Variants in KDM5D observed in about 807,000 individuals in gnomAD.
The protein encoded by KDM5D is lysine-specific demethylase 5D.
A neutral mutation model predicts 31.9 loss-of-function variants in KDM5D; 25 were observed. The ratio of observed to expected loss-of-function variants is 0.78; its 90% confidence interval spans 0.57 to 1.09. The LOEUF (loss-of-function observed/expected upper bound fraction) is 1.09. Ranked by LOEUF, KDM5D falls within the 50% of genes least tolerant of loss-of-function variation. The pLI, the probability that KDM5D is intolerant of heterozygous loss-of-function variation, is 0.00. For missense variants in KDM5D, 366 were observed against 341.6 expected, an observed-to-expected ratio of 1.07 and a Z score of -0.56; for synonymous variants, 146 against 122.3, an observed-to-expected ratio of 1.19 and a Z score of -1.28.
At chrY:19,719,169 CA>C (rs2045375426) in intron 13 of KDM5D, among the ~76,000 whole-genome samples, 68 of 19,159 alleles carry the variant, frequency 3.5e-3, no homozygotes, top group African/African-American at 0.012. Context: ...GACTCCGTCT[CA>C]AAAAAAAAAA....
chrY:19,738,997 T>C, intron 6 of KDM5D, among the ~76,000 whole-genome samples: 1 of 33,197 alleles, frequency 3.0e-5, no homozygotes, highest in Non-Finnish European at 7.4e-5. Flanking sequence ...TAGCACTGTG[T>C]AGCATATAGT....
rs1410280584 is a variant in KDM5D, at chrY:19,716,465, A to C, written c.1845T>G (p.Ala615=). 2.5e-6 allele frequency: 1 copy of C among 399,095 alleles called. No homozygotes were observed. The highest frequency in any genetic ancestry group is 9.2e-5 in the East Asian group (1 of 10,870). ...VNFCTADWLP[A]GRQCIEHYRR... Reference sequence around the variant, plus strand: ...GGTAGTGTTCAATGCACTGGCGTCCAGCAGGTAGCTGCAAGTGCGTTCAAG... The same window carrying C: ...GGTAGTGTTCAATGCACTGGCGTCCCGCAGGTAGCTGCAAGTGCGTTCAAG... The change falls in exon 15 of 27, where the codon GCT becomes GCG. Residue 615 remains alanine (A), a synonymous_variant. Transcript: ENST00000317961.
rs1388557199 is a variant in KDM5D, at chrY:19,732,565, T to C, written c.1092+19A>G. On this transcript the variant is annotated intron_variant, in intron 9 of 26. Coordinates refer to ENST00000317961, the MANE Select transcript of KDM5D (RefSeq NM_004653.5). ...AATCACCAACCAAAAATAAAGCATC[T>C]GTGACAGACAGATCTTACCGCCAAG... is the stretch of plus-strand genomic sequence containing the variant. 1 of 378,769 alleles carries C rather than the reference T, an allele frequency of 2.6e-6. No homozygotes were observed. Among genetic ancestry groups the C allele is most frequent in the Non-Finnish European group, 3.7e-6 (1 of 272,756 alleles). 94.5% of individuals were successfully genotyped at this position (378,769 alleles called of 400,897 possible). A position where few individuals can be genotyped will look rare whatever the true frequency, so the allele number is the denominator to read the frequency against.
Position 19,707,932 on chromosome Y carries a change from A to C in KDM5D, c.3399+2T>G. ...TTTCCCCATCTGGGCCATGCTCCTT[A>C]CCACAGAGCCTGGGTCTCTGAGGTC... On this transcript the variant is annotated splice_donor_variant, in intron 23 of 26. Coordinates refer to ENST00000317961, the MANE Select transcript of KDM5D (RefSeq NM_004653.5). LOFTEE classifies it high-confidence loss of function. 5 of 397,714 alleles carry C rather than the reference A, an allele frequency of 1.3e-5. No individual in the cohort carries two copies. Among genetic ancestry groups the C allele is most frequent in the Non-Finnish European group, 1.8e-5 (5 of 283,055 alleles).
intron 2 of KDM5D, 47 bp from the exon 3 acceptor site, chrY:19,743,286 G>A: frequency 4.2e-6 from 1 of 240,292 alleles, no homozygotes; most frequent in Non-Finnish European, 6.7e-6. Flanking sequence ...AGTAAAGGAT[G>A]AAGATAGTGA....
intron 19 of KDM5D, 119 bp downstream of exon 19, chrY:19,710,257 G>T: frequency 2.7e-6 from 1 of 370,683 alleles, no homozygotes; most frequent in Non-Finnish European, 3.7e-6. Context: ...TTCCAGGAAA[G>T]AACCTGTTAT....
chrY:19,716,175 C>T, intron 15 of KDM5D, 104 bp downstream of exon 15: 2 of 257,239 alleles, frequency 7.8e-6, no homozygotes, highest in East Asian at 1.9e-4. Context: ...TTTCAAAATG[C>T]ATGACTTAAA....
At position 19,732,719 on chromosome Y, in the gene KDM5D, T is replaced by C; in HGVS notation, c.957A>G (p.Val319=). 2.6e-6 allele frequency: 1 copy of C among 381,754 alleles called. No individual in the cohort carries two copies. The highest frequency in any genetic ancestry group is 3.6e-6 in the Non-Finnish European group (1 of 275,828). Residue 319 remains valine (V), a synonymous_variant, in exon 9 of 27, where the codon GTA becomes GTG. Transcript: ENST00000317961. ...TATCATCTTCATCCCCACGGGAGCA[T>C]ACTTGGCAAATATATGAGTCAATCT... The part of the protein sequence containing the change: ...AQFIDSYICQ[V]CSRGDEDDKL...
At chrY:19,729,999 G>C in intron 11 of KDM5D, among the ~76,000 whole-genome samples, 3 of 33,066 alleles carry the variant, frequency 9.1e-5, no homozygotes, top group African/African-American at 3.6e-4. Context: ...GTAAAACAAT[G>C]CTCATACACT....
At chrY:19,733,106 T>C in intron 8 of KDM5D, among the ~76,000 whole-genome samples, 1 of 33,609 alleles carries the variant, frequency 3.0e-5, no homozygotes, top group Non-Finnish European at 7.4e-5. Context: ...TGTTCCTCTG[T>C]TGAAAAGTTT....
At chrY:19,726,567 T>C in intron 11 of KDM5D, among the ~76,000 whole-genome samples, 1 of 32,044 alleles carries the variant, frequency 3.1e-5, no homozygotes, top group Admixed American at 2.9e-4. Context: ...GCTGGGGGAC[T>C]AGGGGAGGGA....
chrY:19,707,853 A>G, intron 23 of KDM5D, 81 bp downstream of exon 23: 17 of 383,385 alleles, frequency 4.4e-5, no homozygotes, highest in Non-Finnish European at 6.3e-5. Context: ...CAGGGCTCAG[A>G]CACCCTATCA....
intron 3 of KDM5D, 44 bp downstream of exon 3, chrY:19,743,118 T>TTTAAA (rs2045566408): frequency 3.7e-6 from 1 of 266,959 alleles, no homozygotes; most frequent in Non-Finnish European, 5.9e-6. Flanking sequence ...ACGGCAAGAT[T>TTTAAA]AAAGATCAGA....
chrY:19,710,086 G>A, intron 19 of KDM5D: 1 of 359,160 alleles, frequency 2.8e-6, no homozygotes, highest in Non-Finnish European at 3.8e-6. Flanking sequence ...GGTGTCTGGA[G>A]GGAAATCAAC....
At position 19,706,255 on chromosome Y, in the gene KDM5D, C is replaced by T; in HGVS notation, c.4360G>A (p.Val1454Ile). Reference protein sequence around the residue: ...RRQKVDQGRNVENLVQQELQS... With the variant: ...RRQKVDQGRNIENLVQQELQS... The stretch of plus-strand genomic sequence containing the variant: ...AGCTCCTGTTGAACAAGATTCTCAA[C>T]GTTTCTACCCTGATCCACCTTCTGC... Residue 1454 changes from valine to isoleucine, a missense_variant, in exon 27 of 27, where the codon GTT becomes ATT. Val to Ile is a conservative substitution (Grantham distance 29). Coordinates refer to ENST00000317961, the MANE Select transcript of KDM5D (RefSeq NM_004653.5). 5.0e-6 allele frequency: 2 copies of T among 396,412 alleles called. No individual in the cohort carries two copies. The highest frequency in any genetic ancestry group is 3.0e-5 in the South Asian group (1 of 33,245).
At chrY:19,709,055 A>G in intron 20 of KDM5D, 42 bp from the exon 21 acceptor site, 1 of 334,853 alleles carries the variant, frequency 3.0e-6, no homozygotes. Context: ...ATTACATGTT[A>G]CAGGTATACA....
chrY:19,711,763 A>C (rs2045300057), intron 18 of KDM5D, among the ~76,000 whole-genome samples: 1 of 33,498 alleles, frequency 3.0e-5, no homozygotes, highest in Non-Finnish European at 7.4e-5. Flanking sequence ...TAAGAAACTA[A>C]GCTAAGTAAG....
intron 5 of KDM5D, 112 bp from the exon 6 acceptor site, chrY:19,739,774 T>C: frequency 5.6e-6 from 1 of 178,449 alleles, no homozygotes; most frequent in Non-Finnish European, 9.6e-6. Flanking sequence ...ATTACACAGG[T>C]CCACTCCTCT....
At chrY:19,734,840 CTTT>C (rs774991835) in intron 8 of KDM5D, among the ~76,000 whole-genome samples, 1 of 29,028 alleles carries the variant, frequency 3.4e-5, no homozygotes, top group African/African-American at 1.3e-4. Flanking sequence ...GAATTTTTGT[CTTT>C]TTTTTTTTCT....
Sources: gnomAD v4.1 joint callset for allele counts (sites outside exome capture counted in the v4.1 genomes callset) on GRCh38, gnomAD v4.1.1 for gene constraint, MANE v1.5 for transcripts, NCBI Gene and HGNC (gene_info 2026-07-23, HGNC 2026-07-21) for gene names.